The following TBC1D10B variants were observed in gnomAD, a reference collection of about 807,000 sequenced individuals.
TBC1D10B encodes TBC1 domain family member 10B.
Under a neutral mutation model 78.4 loss-of-function variants are expected in TBC1D10B, and 25 were observed. The ratio of observed to expected loss-of-function variants is 0.32; its 90% confidence interval spans 0.23 to 0.45. The LOEUF (loss-of-function observed/expected upper bound fraction) is 0.45. TBC1D10B is among the 20% of genes least tolerant of loss of function. The pLI is 1.00. For synonymous variants in TBC1D10B, 517 were observed against 478.0 expected (o/e 1.08, Z -1.06); for missense variants, 996 against 1,104.8 (o/e 0.90, Z 1.40).
At position 30,370,074 on chromosome 16, in the gene TBC1D10B, G is replaced by A; in HGVS notation, c.110C>T (p.Ala37Val). ...GSRAGPVVVV[A>V]PGPPVTTATS... ...GGCCGTAGTCACTGGAGGTCCCGGA[G>A]CCACCACCACGACGGGCCCGGCCCG... Residue 37 changes from alanine to valine, a missense_variant, in exon 1 of 9, where the codon GCT becomes GTT. By Grantham distance (64) the Ala-to-Val change is moderately conservative. Transcript: ENST00000409939. 8.2e-7 allele frequency: 1 copy of A among 1,226,990 alleles called. No individual in the cohort carries two copies. The highest frequency in any genetic ancestry group is 1.0e-6 in the Non-Finnish European group (1 of 984,894). The allele number at this position is 1,226,990 out of a possible 1,614,324, so 76.0% of individuals were successfully genotyped here.
rs903529792 is a variant in TBC1D10B, at chr16:30,369,904, G to A, written c.280C>T (p.Leu94=). 2.6e-5 allele frequency: 36 copies of A among 1,383,436 alleles called. No individual in the cohort carries two copies. The highest frequency in any genetic ancestry group is 1.9e-4 in the Middle Eastern group (1 of 5,146). The allele number at this position is 1,383,436 out of a possible 1,614,324, so 85.7% of individuals were successfully genotyped here. Reference sequence around the variant, plus strand: ...TTTGGGGCTTCGGGCGAGGCCTCCAGGGTCAGCACCACCACCGTGCTGCCC... The same window carrying A: ...TTTGGGGCTTCGGGCGAGGCCTCCAAGGTCAGCACCACCACCGTGCTGCCC... ...VTGSTVVVLT[L]EASPEAPKPQ... The change falls in exon 1 of 9, where the codon CTG becomes TTG. Residue 94 remains leucine, a synonymous_variant. Coordinates refer to ENST00000409939, the MANE Select transcript of TBC1D10B (RefSeq NM_015527.4). This position sits in a 1 kb window ranked among gnomAD's most constrained non-coding sequence, Gnocchi z 4.3.
At chr16:30,366,911 A>T (rs912208606) in intron 1 of TBC1D10B, 1 of 152,226 alleles carries the variant, frequency 6.6e-6, no homozygotes, top group African/African-American at 2.4e-5. Flanking sequence ...CGGGCCGGGC[A>T]TGGTGGCTCA....
Position 30,358,833 on chromosome 16 carries a change from G to C in TBC1D10B, c.1643-16C>G. On this transcript the variant is annotated splice_polypyrimidine_tract_variant and intron_variant, in intron 7 of 8. Coordinates refer to ENST00000409939, the MANE Select transcript of TBC1D10B (RefSeq NM_015527.4). ...ATCTTAACGCCTGCAGGGGTGGAGA[G>C]TAGAGAGCATGGGGTGGTCAGACCC... The C allele has an allele frequency of 6.3e-7, 1 of 1,596,704 alleles. No homozygotes were observed. The highest frequency in any genetic ancestry group is 8.5e-7 in the Non-Finnish European group (1 of 1,171,372).
Position 30,369,911 on chromosome 16 carries a change from C to T in TBC1D10B, c.273G>A (p.Val91=). Residue 91 remains valine, a synonymous_variant, in exon 1 of 9, where the codon GTG becomes GTA. Transcript: ENST00000409939. This position sits in a 1 kb window ranked among gnomAD's most constrained non-coding sequence, Gnocchi z 4.3. ...APAVTGSTVV[V]LTLEASPEAP... The stretch of plus-strand genomic sequence containing the variant: ...CTTCGGGCGAGGCCTCCAGGGTCAG[C>T]ACCACCACCGTGCTGCCCGTGACAG... 7.3e-7 allele frequency: 1 copy of T among 1,367,422 alleles called. No individual in the cohort carries two copies. Among genetic ancestry groups the T allele is most frequent in the Non-Finnish European group, 9.4e-7 (1 of 1,063,508 alleles). 84.7% of individuals were successfully genotyped at this position (1,367,422 alleles called of 1,614,324 possible). A position where few individuals can be genotyped will look rare whatever the true frequency, so the allele number is the denominator to read the frequency against.
rs1409118533 is a variant in TBC1D10B, at chr16:30,358,748, C to A, written c.1712G>T (p.Arg571Leu). 6.2e-7 allele frequency: 1 copy of A among 1,609,054 alleles called. No homozygotes were observed. Among genetic ancestry groups the A allele is most frequent in the East Asian group, 2.2e-5 (1 of 44,708 alleles). The stretch of plus-strand genomic sequence containing the variant: ...GGTCTCATACATGCCTTGGCAGGAG[C>A]GCAGCTTCTCCACTGAGCCCAGCGT... ...RHTLGSVEKLRSCQGMYETME... is the reference protein window; with the variant it reads ...RHTLGSVEKLLSCQGMYETME... Residue 571 changes from arginine to leucine, a missense_variant, in exon 8 of 9, where the codon CGC (arginine) becomes CTC (leucine). Transcript: ENST00000409939.
Position 30,369,950 on chromosome 16 carries a change from C to T in TBC1D10B, c.234G>A (p.Pro78=). Residue 78 remains proline, a synonymous_variant, in exon 1 of 9, where the codon CCG becomes CCA. Transcript: ENST00000409939. The surrounding 1 kb of genome is among the most constrained non-coding windows in gnomAD (Gnocchi z 4.3). ...TGCCCGTGACAGCCGGGGCTGGGGC[C>T]GGGGCTGGGGCCGGGGCCGGAGCAG... ...ETSAPAPAPA[P]APAPAVTGST... is the part of the protein sequence containing the mutation. 7.8e-7 allele frequency: 1 copy of T among 1,282,978 alleles called. No individual in the cohort carries two copies. The highest frequency in any genetic ancestry group is 9.8e-7 in the Non-Finnish European group (1 of 1,016,404). 79.5% of individuals were successfully genotyped at this position (1,282,978 alleles called of 1,614,324 possible).
chr16:30,366,674 G>A (rs1293370620), intron 1 of TBC1D10B: 3 of 152,088 alleles, frequency 2.0e-5, no homozygotes, highest in African/African-American at 7.2e-5. Flanking sequence ...AGGACTCCCT[G>A]CCCTATTTAC....
intron 4 of TBC1D10B, among the ~76,000 whole-genome samples, chr16:30,362,863 C>T (rs572353193): frequency 2.6e-5 from 4 of 152,052 alleles, no homozygotes; most frequent in African/African-American, 9.7e-5. Flanking sequence ...ATGGCAAAAC[C>T]CCGTCTCTAA....
chr16:30,362,511 A>G (rs1459107836), intron 4 of TBC1D10B, among the ~76,000 whole-genome samples: 1 of 149,072 alleles, frequency 6.7e-6, no homozygotes, highest in Admixed American at 6.9e-5. Flanking sequence ...TTCTCAAACT[A>G]TTGGAGCTGC....
At chr16:30,361,488 G>T (rs1395732613) in intron 4 of TBC1D10B, among the ~76,000 whole-genome samples, 2 of 152,306 alleles carry the variant, frequency 1.3e-5, no homozygotes, top group East Asian at 3.9e-4. Context: ...GCAGTGCAAT[G>T]GTGCGATCCC....
Position 30,358,543 on chromosome 16 carries a change from T to C in TBC1D10B, c.1828A>G (p.Ile610Val). 2 of 1,606,930 alleles carry C rather than the reference T, an allele frequency of 1.2e-6. No individual in the cohort carries two copies. The highest frequency in any genetic ancestry group is 1.7e-6 in the Non-Finnish European group (2 of 1,174,586). ...AGCTGGGCTGCATTCTCCCGCTCAA[T>C]CAGTGCTTCTGTCACCGGCAGATTG... ...VTNLPVTEAL[I>V]ERENAAQLKK... Residue 610 changes from isoleucine (I) to valine (V), a missense_variant, in exon 9 of 9, where the codon ATT (isoleucine) becomes GTT (valine). By Grantham distance (29) the Ile-to-Val change is conservative. Coordinates refer to ENST00000409939, the MANE Select transcript of TBC1D10B (RefSeq NM_015527.4).
Position 30,369,440 on chromosome 16 carries a change from G to C in TBC1D10B, c.744C>G (p.Ser248=), listed in dbSNP as rs761129204. Residue 248 remains serine, a synonymous_variant, in exon 1 of 9, where the codon TCC becomes TCG. Coordinates refer to ENST00000409939, the MANE Select transcript of TBC1D10B (RefSeq NM_015527.4). The surrounding 1 kb of genome is among the most constrained non-coding windows in gnomAD (Gnocchi z 4.3). ...EPAENSQDLG[S]TSSLGPGISG... Reference sequence around the variant, plus strand: ...AGATGCCAGGTCCCAGGCTGGACGTGGAGCCCAGGTCTTGAGAGTTTTCAG... The same window carrying C: ...AGATGCCAGGTCCCAGGCTGGACGTCGAGCCCAGGTCTTGAGAGTTTTCAG... The C allele has an allele frequency of 3.8e-5, 59 of 1,557,482 alleles. No homozygotes were observed. In the East Asian group the frequency reaches 9.2e-4, roughly 24 times the overall value.
chr16:30,369,156 T>C lies in TBC1D10B; in HGVS notation c.956+72A>G. On this transcript the variant is annotated intron_variant, in intron 1 of 8. Coordinates refer to ENST00000409939, the MANE Select transcript of TBC1D10B (RefSeq NM_015527.4). The surrounding 1 kb of genome is among the most constrained non-coding windows in gnomAD (Gnocchi z 4.3). ...GCTGCCAGAGTCTGGGCAAAGTGTA[T>C]CGTTTTCGTTTCGCCCTCCCCCAAC... 1 of 1,423,628 alleles carries C rather than the reference T, an allele frequency of 7.0e-7. No homozygotes were observed. Among genetic ancestry groups the C allele is most frequent in the Non-Finnish European group, 9.4e-7 (1 of 1,067,514 alleles). The allele number at this position is 1,423,628 out of a possible 1,614,324, so 88.2% of individuals were successfully genotyped here. A position where few individuals can be genotyped will look rare whatever the true frequency, so the allele number is the denominator to read the frequency against.
At chr16:30,366,458 T>C (rs1275272541) in intron 1 of TBC1D10B, 3 of 151,994 alleles carry the variant, frequency 2.0e-5, no homozygotes, top group Non-Finnish European at 4.4e-5. Context: ...TGAGTCAAGA[T>C]TGTGCCACTG....
chr16:30,364,185 A>G (rs1268326719), intron 4 of TBC1D10B, among the ~76,000 whole-genome samples: 2 of 151,946 alleles, frequency 1.3e-5, no homozygotes, highest in African/African-American at 4.8e-5. Flanking sequence ...TCACACCTGT[A>G]ATCCCAGCAT....
intron 7 of TBC1D10B, 83 bp from the exon 8 acceptor site, chr16:30,358,900 C>G: frequency 2.1e-6 from 3 of 1,460,970 alleles, no homozygotes; most frequent in Non-Finnish European, 2.7e-6. Context: ...TCACAGCCCC[C>G]ATCCCCATCT....
At position 30,359,529 on chromosome 16, in the gene TBC1D10B, GAC is replaced by G; in HGVS notation, c.1452+7_1452+8del. On this transcript the variant is annotated splice_region_variant and intron_variant, in intron 6 of 8. Transcript: ENST00000409939. ...CAGCCCCGGATGCACCCAGCCTCCA[GAC>G]ACTCACCAGCCCTGCACTGTAGTAA... 6.4e-7 allele frequency: 1 copy of G among 1,556,964 alleles called. No individual in the cohort carries two copies. Among genetic ancestry groups the G allele is most frequent in the Non-Finnish European group, 8.7e-7 (1 of 1,150,196 alleles).
At position 30,369,963 on chromosome 16, in the gene TBC1D10B, G is replaced by A. The variant is rs1013029998; in HGVS notation, c.221C>T (p.Pro74Leu). 3.1e-6 allele frequency: 4 copies of A among 1,288,402 alleles called. No homozygotes were observed. Among genetic ancestry groups the A allele is most frequent in the Non-Finnish European group, 9.8e-7 (1 of 1,019,974 alleles). The allele number at this position is 1,288,402 out of a possible 1,614,324, so 79.8% of individuals were successfully genotyped here. Residue 74 changes from proline (P) to leucine (L), a missense_variant, in exon 1 of 9, where the codon CCG becomes CTG. This residue lies in a region of TBC1D10B where 448 missense variants were observed against 442.1 expected (regional missense o/e 1.01). Transcript: ENST00000409939. This position sits in a 1 kb window ranked among gnomAD's most constrained non-coding sequence, Gnocchi z 4.3. ...PGSAETSAPA[P>L]APAPAPAPAV... ...CGGGGCTGGGGCCGGGGCTGGGGCC[G>A]GGGCCGGAGCAGAGGTCTCGGCCGA...
intron 1 of TBC1D10B, among the ~76,000 whole-genome samples, chr16:30,368,261 C>G (rs2049651911): frequency 1.3e-5 from 2 of 152,206 alleles, no homozygotes; most frequent in African/African-American, 4.8e-5. Context: ...TACTTACTCT[C>G]CACGATTCAG....
Sources: allele counts gnomAD v4.1 joint callset (sites outside exome capture counted in the v4.1 genomes callset), GRCh38; gene constraint gnomAD v4.1.1; regional missense constraint gnomAD v4.1.1; non-coding constraint Gnocchi (gnomAD v3.1); transcripts MANE v1.5; gene names NCBI Gene and HGNC (gene_info 2026-07-23, HGNC 2026-07-21).